Variants in SERPINA5 observed in about 807,000 individuals in gnomAD.
The protein encoded by SERPINA5 is plasma serine protease inhibitor.
Under a neutral mutation model 25.3 loss-of-function variants are expected in SERPINA5, and 25 were observed. That is an observed-to-expected ratio of 0.99 (90% CI 0.72 to 1.38). SERPINA5 has a LOEUF of 1.38. SERPINA5 is among the 40% of genes most tolerant of loss of function. The probability of loss-of-function intolerance (pLI) is 0.00; values close to 1 mark genes in which losing one functional copy is unlikely to be tolerated. For synonymous variants in SERPINA5, 234 were observed against 206.2 expected (o/e 1.14, Z -1.16); for missense variants, 599 against 509.5 (o/e 1.18, Z -1.69).
intron 4 of SERPINA5, 199 bp downstream of exon 4, chr14:94,590,510 T>C: frequency 2.4e-6 from 2 of 840,172 alleles, no homozygotes; most frequent in South Asian, 4.2e-5. Flanking sequence ...ACTGGGTTCC[T>C]TAGGGTGGTG....
rs774203427 is a variant in SERPINA5, at chr14:94,593,061, A to G, written c.*822A>G. 6.6e-6 allele frequency: 1 copy of G among 152,012 alleles called. No homozygotes were observed. The highest frequency in any genetic ancestry group is 2.4e-5 in the African/African-American group (1 of 41,442). The allele number at this position is 152,012 out of a possible 1,614,324, so 9.4% of individuals were successfully genotyped here. A position where few individuals can be genotyped will look rare whatever the true frequency, so the allele number is the denominator to read the frequency against. On this transcript the variant is annotated 3_prime_UTR_variant, in exon 6 of 6. Coordinates refer to ENST00000329597, the MANE Select transcript of SERPINA5 (RefSeq NM_000624.6). ...AGTAGAGTATCAGTTGCAGGTGCCA[A>G]TGACTAACTTTTTGAATTCTATGTT...
At chr14:94,588,444 C>G (rs1204115264) in intron 3 of SERPINA5, among the ~76,000 whole-genome samples, 2 of 152,174 alleles carry the variant, frequency 1.3e-5, no homozygotes, top group African/African-American at 4.8e-5. Context: ...GCTTGTTCCT[C>G]TGAAATGCCT....
intron 2 of SERPINA5, among the ~76,000 whole-genome samples, chr14:94,582,588 C>T (rs917994849): frequency 6.6e-6 from 1 of 152,170 alleles, no homozygotes; most frequent in Non-Finnish European, 1.5e-5. Context: ...GCCAGCCTGG[C>T]TTTTTCCACT....
At chr14:94,590,635 G>A in intron 4 of SERPINA5, 114 bp from the exon 5 acceptor site, 1 of 1,230,772 alleles carries the variant, frequency 8.1e-7, no homozygotes, top group Non-Finnish European at 1.1e-6. Context: ...GGGTTAAGGA[G>A]TCCTTTTTTA....
chr14:94,586,002 C>T (rs980378110), intron 2 of SERPINA5, among the ~76,000 whole-genome samples: 1 of 152,164 alleles, frequency 6.6e-6, no homozygotes, highest in Non-Finnish European at 1.5e-5. Flanking sequence ...AATCACACTA[C>T]AAGGACACAG....
rs763623961 is a variant in SERPINA5, at chr14:94,592,287, G to T, written c.*48G>T. ...ACAGGCCTCAGGGTGGGAGATGAAG[G>T]GGGCTAAGCTATGGCCCATCTGTAT... On this transcript the variant is annotated 3_prime_UTR_variant, in exon 6 of 6. Coordinates refer to ENST00000329597, the MANE Select transcript of SERPINA5 (RefSeq NM_000624.6). 3 of 1,568,948 alleles carry T rather than the reference G, an allele frequency of 1.9e-6. No individual in the cohort carries two copies. The highest frequency in any genetic ancestry group is 2.6e-6 in the Non-Finnish European group (3 of 1,152,890).
At chr14:94,584,625 T>C (rs1885016961) in intron 2 of SERPINA5, among the ~76,000 whole-genome samples, 1 of 151,760 alleles carries the variant, frequency 6.6e-6, no homozygotes, top group Non-Finnish European at 1.5e-5. Context: ...CCAGAGGGGG[T>C]GAGGCTTGCC....
rs760967931 is a variant in SERPINA5 at position 94,592,393 on chromosome 14, C to G, written c.*154C>G. 2.8e-6 allele frequency: 2 copies of G among 722,284 alleles called. No individual in the cohort carries two copies. Among genetic ancestry groups the G allele is most frequent in the Non-Finnish European group, 4.5e-6 (2 of 447,068 alleles). The allele number at this position is 722,284 out of a possible 1,614,324, so 44.7% of individuals were successfully genotyped here. On this transcript the variant is annotated 3_prime_UTR_variant, in exon 6 of 6. Coordinates refer to ENST00000329597, the MANE Select transcript of SERPINA5 (RefSeq NM_000624.6). Reference sequence around the variant, plus strand: ...TATTACTCTATGATGATTGCTTCCACCCACACGACTGCAACATACAGGTGC... The same window carrying G: ...TATTACTCTATGATGATTGCTTCCAGCCACACGACTGCAACATACAGGTGC...
intron 5 of SERPINA5, 41 bp from the exon 6 acceptor site, chr14:94,592,016 T>C (rs2139933438): frequency 6.3e-7 from 1 of 1,583,988 alleles, no homozygotes; most frequent in East Asian, 2.2e-5. Flanking sequence ...TGACTTCACC[T>C]GCCCCTAGTG....
chr14:94,587,643 G>C lies in SERPINA5; in HGVS notation c.281G>C (p.Gly94Ala). The C allele has an allele frequency of 6.2e-7, 1 of 1,614,040 alleles. No homozygotes were observed. The highest frequency in any genetic ancestry group is 8.5e-7 in the Non-Finnish European group (1 of 1,179,958). ...AGCACAAAGATGCAGATCCTGGAGG[G>C]CCTGGGCCTCAACCTCCAGAAAAGC... ...GSSTKMQILEGLGLNLQKSSE... is the reference protein window; with the variant it reads ...GSSTKMQILEALGLNLQKSSE... The change falls in exon 3 of 6, where the codon GGC becomes GCC. Residue 94 changes from glycine to alanine, a missense_variant. By Grantham distance (60) the Gly-to-Ala change is moderately conservative. Coordinates refer to ENST00000329597, the MANE Select transcript of SERPINA5 (RefSeq NM_000624.6).
chr14:94,587,649 G>C lies in SERPINA5; in HGVS notation c.287G>C (p.Gly96Ala). ...AAGATGCAGATCCTGGAGGGCCTGG[G>C]CCTCAACCTCCAGAAAAGCTCAGAG... Reference protein sequence around the residue: ...STKMQILEGLGLNLQKSSEKE... With the variant: ...STKMQILEGLALNLQKSSEKE... Residue 96 changes from glycine to alanine, a missense_variant, in exon 3 of 6, where the codon GGC becomes GCC. Gly to Ala is a moderately conservative substitution (Grantham distance 60). Transcript: ENST00000329597. 6.2e-7 allele frequency: 1 copy of C among 1,614,026 alleles called. No homozygotes were observed. Among genetic ancestry groups the C allele is most frequent in the South Asian group, 1.1e-5 (1 of 91,064 alleles).
intron 2 of SERPINA5, among the ~76,000 whole-genome samples, chr14:94,585,233 T>C (rs1220448919): frequency 6.6e-6 from 1 of 152,106 alleles, no homozygotes. Flanking sequence ...ATGTACCTTT[T>C]TGGGTGGTGC....
In SERPINA5 at chr14:94,587,845, C is replaced by T. The variant is rs376165449; in HGVS notation, c.483C>T (p.Asn161=). The change falls in exon 3 of 6, where the codon AAC becomes AAT. Residue 161 remains asparagine, a synonymous_variant. Coordinates refer to ENST00000329597, the MANE Select transcript of SERPINA5 (RefSeq NM_000624.6). Reference sequence around the variant, plus strand: ...ACCTGGCAGACACTTTCCCTACCAACTTTAGGGACTCTGCAGGGGCCATGA... The same window carrying T: ...ACCTGGCAGACACTTTCCCTACCAATTTTAGGGACTCTGCAGGGGCCATGA... ...TLYLADTFPT[N]FRDSAGAMKQ... 1.4e-5 allele frequency: 23 copies of T among 1,613,986 alleles called. No homozygotes were observed. Among genetic ancestry groups the T allele is most frequent in the Non-Finnish European group, 1.9e-5 (22 of 1,179,838 alleles).
chr14:94,585,651 C>T (rs1341710238), intron 2 of SERPINA5, among the ~76,000 whole-genome samples: 3 of 152,144 alleles, frequency 2.0e-5, no homozygotes, highest in Admixed American at 2.0e-4. Flanking sequence ...ATGGAGAGAG[C>T]CCAGCAGAAA....
intron 2 of SERPINA5, chr14:94,581,948 C>T (rs1307809564): frequency 6.6e-6 from 1 of 152,162 alleles, no homozygotes; most frequent in East Asian, 1.9e-4. Context: ...GGTTGAGAGA[C>T]CCTGAAATAA....
intron 2 of SERPINA5, among the ~76,000 whole-genome samples, chr14:94,583,916 C>T (rs560750651): frequency 1.3e-5 from 2 of 152,296 alleles, no homozygotes; most frequent in Non-Finnish European, 2.9e-5. Context: ...CCACCAGAGG[C>T]CCAAGAGTGC....
chr14:94,584,536 T>C (rs1336276149), intron 2 of SERPINA5, among the ~76,000 whole-genome samples: 1 of 151,962 alleles, frequency 6.6e-6, no homozygotes, highest in Non-Finnish European at 1.5e-5. Context: ...CCCCATCGGA[T>C]CTCTAGTGCT....
chr14:94,585,329 C>T (rs531754926), intron 2 of SERPINA5, among the ~76,000 whole-genome samples: 28 of 152,080 alleles, frequency 1.8e-4, no homozygotes, highest in African/African-American at 5.8e-4. Context: ...GTGCCAGGTT[C>T]GATTCTGCAG....
chr14:94,591,238 C>T (rs1331253960), intron 5 of SERPINA5, among the ~76,000 whole-genome samples: 2 of 144,340 alleles, frequency 1.4e-5, no homozygotes, highest in African/African-American at 2.6e-5. Flanking sequence ...TCCACTCCTC[C>T]ACTCCACTCA....
Sources: allele counts gnomAD v4.1 joint callset (sites outside exome capture counted in the v4.1 genomes callset), GRCh38; gene constraint gnomAD v4.1.1; transcripts MANE v1.5; gene names NCBI Gene and HGNC (gene_info 2026-07-23, HGNC 2026-07-21).